DACH2: variants seen among roughly 807,000 people sequenced by gnomAD.
DACH2 encodes the protein dachshund family transcription factor 2.
Under a neutral mutation model 35.8 loss-of-function variants are expected in DACH2, and 17 were observed. The observed-to-expected ratio is 0.48, with a 90% confidence interval of 0.33 to 0.71. The LOEUF is 0.71. DACH2 is among the 30% of genes least tolerant of loss of function. DACH2 has a pLI of 0.02. For synonymous variants in DACH2, 195 were observed against 177.3 expected, an observed-to-expected ratio of 1.10 and a Z score of -0.79; for missense variants, 469 against 472.7, an observed-to-expected ratio of 0.99 and a Z score of 0.07.
At position 86,280,505 on chromosome X, in the gene DACH2, A is replaced by G. The variant is rs758646421; in HGVS notation, c.489-96319A>G. Among the ~76,000 whole-genome samples the G allele has an allele frequency of 2.7e-5, 3 of 112,125 alleles. No individual in the cohort carries two copies. In the South Asian group the frequency reaches 1.1e-3, roughly 42 times the overall value. Reference sequence around the variant, plus strand: ...TACTAGTCACTGCAAAAACATACCAAATGGGAAAGACCATCGACACTATGA... The same window carrying G: ...TACTAGTCACTGCAAAAACATACCAGATGGGAAAGACCATCGACACTATGA... On this transcript the variant is annotated intron_variant, in intron 1 of 11. Coordinates refer to ENST00000373125, the MANE Select transcript of DACH2 (RefSeq NM_053281.3).
chrX:86,661,197 C>G (rs1482925032), intron 4 of DACH2, among the ~76,000 whole-genome samples: 1 of 111,954 alleles, frequency 8.9e-6, no homozygotes, highest in Admixed American at 9.5e-5. Flanking sequence ...GTGTACAGTT[C>G]AGTGGTTTTA....
intron 1 of DACH2, among the ~76,000 whole-genome samples, chrX:86,217,095 T>TAAAAAAAAAAAAAA (rs11323790): frequency 1.1e-5 from 1 of 88,610 alleles, no homozygotes; most frequent in Non-Finnish European, 2.2e-5. Context: ...ATCTCAAAAA[T>TAAAAAAAAAAAAAA]AAAAAAAAAA....
chrX:86,832,273 A>G lies in DACH2; in HGVS notation c.*118A>G. 1.7e-6 allele frequency: 1 copy of G among 573,689 alleles called. No homozygotes were observed. Among genetic ancestry groups the G allele is most frequent in the South Asian group, 2.8e-5 (1 of 36,142 alleles). The allele number at this position is 573,689 out of a possible 1,213,427, so 47.3% of individuals were successfully genotyped here. The stretch of plus-strand genomic sequence containing the variant: ...TCAGCAAAGCTTTGTTTACTGAAGG[A>G]GCTATTTAATCTATGTTACATTAAA... On this transcript the variant is annotated 3_prime_UTR_variant, in exon 12 of 12. Coordinates refer to ENST00000373125, the MANE Select transcript of DACH2 (RefSeq NM_053281.3).
At chrX:86,168,039 A>G (rs2031002254) in intron 1 of DACH2, among the ~76,000 whole-genome samples, 1 of 111,875 alleles carries the variant, frequency 8.9e-6, no homozygotes, top group Admixed American at 9.5e-5. Flanking sequence ...ATATTCTACA[A>G]TTGTCTATTA....
chrX:86,729,440 C>T (rs1041356655), intron 6 of DACH2, among the ~76,000 whole-genome samples: 20 of 111,462 alleles, frequency 1.8e-4, no homozygotes, highest in African/African-American at 3.9e-4. Flanking sequence ...TTGTCTCACA[C>T]GAGACTTTGG....
Position 86,345,060 on chromosome X carries a change from A to G in DACH2, c.489-31764A>G, listed in dbSNP as rs1362119389. Among the ~76,000 whole-genome samples, 4 of 112,050 alleles carry G rather than the reference A, an allele frequency of 3.6e-5. No homozygotes were observed. The East Asian group carries it at 8.4e-4, about 23-fold the overall frequency. On this transcript the variant is annotated intron_variant, in intron 1 of 11. Transcript: ENST00000373125. ...ATTACTTTTCCTTTCATCTTAAAAC[A>G]TTAAGCCTTTCAAGTTATTTCCTGT...
At position 86,294,921 on chromosome X, in the gene DACH2, G is replaced by A. The variant is rs1475471202; in HGVS notation, c.489-81903G>A. Reference sequence around the variant, plus strand: ...GAGGTGGAGCCTACAGAGGCAGGCAGGCCTCCTTGAGCTGTGGTGGGCTCC... The same window carrying A: ...GAGGTGGAGCCTACAGAGGCAGGCAAGCCTCCTTGAGCTGTGGTGGGCTCC... On this transcript the variant is annotated intron_variant, in intron 1 of 11. Coordinates refer to ENST00000373125, the MANE Select transcript of DACH2 (RefSeq NM_053281.3). Among the ~76,000 whole-genome samples the A allele has an allele frequency of 8.1e-5, 9 of 111,198 alleles. No individual in the cohort carries two copies. In the East Asian group the frequency reaches 1.4e-3, roughly 18 times the overall value.
intron 3 of DACH2, 134 bp downstream of exon 3, chrX:86,514,525 TTA>T: frequency 1.6e-6 from 1 of 611,973 alleles, no homozygotes; most frequent in Non-Finnish European, 2.4e-6. Context: ...CTGAATTTTT[TTA>T]TGTGTTCGTG....
Position 86,234,924 on chromosome X carries a change from C to T in DACH2, c.488+85816C>T, listed in dbSNP as rs184335415. On this transcript the variant is annotated intron_variant, in intron 1 of 11. Coordinates refer to ENST00000373125, the MANE Select transcript of DACH2 (RefSeq NM_053281.3). ...CACTGCGCCCAGCCCAATATTTGTA[C>T]TTTAGTATTAACTAAAGTTTATACT... Among the ~76,000 whole-genome samples, 266 of 111,545 alleles carry T rather than the reference C, an allele frequency of 2.4e-3. 1 individual carries two copies. The highest frequency in any genetic ancestry group is 8.3e-3 in the African/African-American group (255 of 30,723).
At chrX:86,253,990 T>C (rs2033452369) in intron 1 of DACH2, among the ~76,000 whole-genome samples, 1 of 112,162 alleles carries the variant, frequency 8.9e-6, no homozygotes, top group African/African-American at 3.2e-5. Context: ...TTTTGTAAGA[T>C]GTATTGGGTT....
rs955604217 is a variant in DACH2, at chrX:86,148,730, G to T, written c.110G>T (p.Arg37Leu). 13 of 1,208,751 alleles carry T rather than the reference G, an allele frequency of 1.1e-5. No homozygotes were observed. The Middle Eastern group carries it at 9.2e-4, about 85-fold the overall frequency. The change falls in exon 1 of 12, where the codon CGT (arginine) becomes CTT (leucine). Residue 37 changes from arginine to leucine, a missense_variant. Transcript: ENST00000373125. ...PLYSTPREPP[R>L]LTPNMINSFV... is the part of the protein sequence containing the mutation. ...TACTCGACTCCCAGAGAGCCCCCTC[G>T]TCTTACTCCTAATATGATCAATAGT...
intron 2 of DACH2, among the ~76,000 whole-genome samples, chrX:86,430,173 T>C (rs181325378): frequency 5.8e-4 from 65 of 112,281 alleles, no homozygotes; most frequent in African/African-American, 2.1e-3. Context: ...TGTAATATAC[T>C]TTATAGCTTG....
At chrX:86,174,119 GTTTTTTTTTT>G in intron 1 of DACH2, among the ~76,000 whole-genome samples, 1 of 71,743 alleles carries the variant, frequency 1.4e-5, no homozygotes, top group Non-Finnish European at 2.6e-5. Context: ...GAGTACAGTT[GTTTTTTTTTT>G]TTTTTTTTTT....
chrX:86,586,805 C>T (rs2039577547), intron 3 of DACH2, among the ~76,000 whole-genome samples: 1 of 111,583 alleles, frequency 9.0e-6, no homozygotes, highest in Non-Finnish European at 1.9e-5. Flanking sequence ...CATTACCATG[C>T]TGTTTTGGTT....
At chrX:86,211,694 C>T (rs1024131901) in intron 1 of DACH2, among the ~76,000 whole-genome samples, 4 of 111,448 alleles carry the variant, frequency 3.6e-5, no homozygotes, top group African/African-American at 1.3e-4. Flanking sequence ...ATTTGTACAC[C>T]CTTTACCTTG....
chrX:86,555,497 T>C (rs183288968), intron 3 of DACH2, among the ~76,000 whole-genome samples: 2 of 111,686 alleles, frequency 1.8e-5, no homozygotes, highest in East Asian at 5.7e-4. Context: ...TAAAGCATAA[T>C]TTATATCTTG....
intron 7 of DACH2, among the ~76,000 whole-genome samples, chrX:86,802,491 C>A (rs6623781): frequency 6.2e-5 from 6 of 96,361 alleles, no homozygotes; most frequent in African/African-American, 2.3e-4. Flanking sequence ...CCTTCCTGAT[C>A]TGTGCCAGAT....
At chrX:86,242,410 C>T (rs2033185554) in intron 1 of DACH2, among the ~76,000 whole-genome samples, 1 of 112,040 alleles carries the variant, frequency 8.9e-6, no homozygotes, top group Non-Finnish European at 1.9e-5. Flanking sequence ...TCGTTTTGGC[C>T]AATTTCTCCG....
chrX:86,770,929 T>C (rs748204873), intron 7 of DACH2, among the ~76,000 whole-genome samples: 1 of 113,178 alleles, frequency 8.8e-6, no homozygotes, highest in East Asian at 2.8e-4. Context: ...AAAGATAATA[T>C]ATCACATAAA....
Sources: allele counts gnomAD v4.1 joint callset (sites outside exome capture counted in the v4.1 genomes callset), GRCh38; gene constraint gnomAD v4.1.1; transcripts MANE v1.5; gene names NCBI Gene and HGNC (gene_info 2026-07-23, HGNC 2026-07-21).